Variants in ADAMTS13 observed in about 807,000 individuals in gnomAD.
ADAMTS13 encodes A disintegrin and metalloproteinase with thrombospondin motifs 13.
Under a neutral mutation model 155.1 loss-of-function variants are expected in ADAMTS13, and 110 were observed. The observed-to-expected ratio is 0.71, with a 90% CI of 0.61 to 0.83. ADAMTS13 has a LOEUF of 0.83. Among genes scored for constraint, ADAMTS13 ranks in the 40% least tolerant of loss-of-function variants. The pLI, the probability that ADAMTS13 is intolerant of heterozygous loss-of-function variation, is 0.00. For synonymous variants in ADAMTS13, 758 were observed against 756.4 expected, an observed-to-expected ratio of 1.00 and a Z score of -0.03; for missense variants, 1,707 against 1,891.7, an observed-to-expected ratio of 0.90 and a Z score of 1.81.
chr9:133,423,842 C>T (rs1840105764), intron 2 of ADAMTS13, among the ~76,000 whole-genome samples: 1 of 152,254 alleles, frequency 6.6e-6, no homozygotes, highest in Non-Finnish European at 1.5e-5. Flanking sequence ...TGGGTCCTTC[C>T]AGCGCTGCCG....
intron 23 of ADAMTS13, among the ~76,000 whole-genome samples, chr9:133,453,207 C>T (rs587694391): frequency 1.8e-4 from 27 of 152,256 alleles, no homozygotes; most frequent in Non-Finnish European, 2.8e-4. Flanking sequence ...GAGGCGAAGG[C>T]GGGCAGATCA....
rs781828222 is a variant in ADAMTS13, at chr9:133,430,145, C to G, written c.987+44C>G. Reference sequence around the variant, plus strand: ...GCCTGGGATTGGCTGTGAGGTCCCTCCGCATCACCCAGCTCACGTCCCCCA... The same window carrying G: ...GCCTGGGATTGGCTGTGAGGTCCCTGCGCATCACCCAGCTCACGTCCCCCA... On this transcript the variant is annotated intron_variant, in intron 8 of 28. Transcript: ENST00000355699. 2.6e-6 allele frequency: 4 copies of G among 1,549,088 alleles called. No individual in the cohort carries two copies. The South Asian group carries it at 3.5e-5, about 14-fold the overall frequency.
intron 22 of ADAMTS13, 67 bp from the exon 23 acceptor site, chr9:133,449,716 A>C (rs1203004308): frequency 1.3e-6 from 2 of 1,573,046 alleles, no homozygotes; most frequent in African/African-American, 2.7e-5. Flanking sequence ...AATGAAGGGG[A>C]GACCTGGCTC....
chr9:133,424,088 G>A lies in ADAMTS13; in HGVS notation c.173-233G>A, dbSNP rs1840118357. Among the ~76,000 whole-genome samples the A allele has an allele frequency of 6.6e-6, 1 of 152,232 alleles. No homozygotes were observed. The highest frequency in any genetic ancestry group is 1.5e-5 in the Non-Finnish European group (1 of 68,032). ...TTGGGCAGAGCCACCAGGGCAGTGG[G>A]AATCTTGTCTTGATGGGGTGACCCA... On this transcript the variant is annotated intron_variant, in intron 2 of 28. Transcript: ENST00000355699. This position sits in a 1 kb window ranked among gnomAD's most constrained non-coding sequence, Gnocchi z 4.3.
intron 11 of ADAMTS13, among the ~76,000 whole-genome samples, chr9:133,435,038 A>G (rs1289160293): frequency 6.6e-6 from 1 of 152,188 alleles, no homozygotes; most frequent in Non-Finnish European, 1.5e-5. Flanking sequence ...GCTGATGGAC[A>G]TCTGAGGTGT....
intron 23 of ADAMTS13, 81 bp from the exon 24 acceptor site, chr9:133,454,334 C>T (rs587625624): frequency 8.6e-6 from 13 of 1,515,864 alleles, no homozygotes; most frequent in African/African-American, 4.1e-5. Context: ...TCCGAGTACA[C>T]GTGGGTGGAG....
chr9:133,421,669 G>A (rs77533110), upstream of ADAMTS13, among the ~76,000 whole-genome samples: 1,491 of 152,314 alleles, frequency 9.8e-3, 10 homozygotes, highest in Non-Finnish European at 0.015. Context: ...TAGCAGAGGG[G>A]CAGAAACTAA....
At position 133,456,372 on chromosome 9, in the gene ADAMTS13, A is replaced by G. The variant is rs1554795998; in HGVS notation, c.3547+157A>G. ...TGGGGAGTGATGATCTGCATTTTACAGATGAGGAAACTGAGGCTAGGAGAG... is the reference window on the plus strand; with the variant it reads ...TGGGGAGTGATGATCTGCATTTTACGGATGAGGAAACTGAGGCTAGGAGAG... On this transcript the variant is annotated intron_variant, in intron 26 of 28. Transcript: ENST00000355699. The surrounding 1 kb of genome is among the most constrained non-coding windows in gnomAD (Gnocchi z 4.4). Among the ~76,000 whole-genome samples the G allele has an allele frequency of 6.6e-6, 1 of 152,212 alleles. No homozygotes were observed. The highest frequency in any genetic ancestry group is 2.1e-4 in the South Asian group (1 of 4,834).
chr9:133,438,166 C>A, intron 13 of ADAMTS13, 80 bp from the exon 14 acceptor site: 1 of 1,611,462 alleles, frequency 6.2e-7, no homozygotes, highest in South Asian at 1.1e-5. Context: ...ATCCCAGAAT[C>A]TCAGAGCTGG....
Position 133,425,487 on chromosome 9 carries a change from T to C in ADAMTS13, c.331-42T>C, listed in dbSNP as rs2301611. ...GTCAGCAGCTGCCTGGGGCTGGCAA[T>C]GCCCACCCGACGGGTTACCTCTCTC... On this transcript the variant is annotated intron_variant, in intron 3 of 28. Transcript: ENST00000355699. The surrounding 1 kb of genome is among the most constrained non-coding windows in gnomAD (Gnocchi z 4.6). 0.014 allele frequency: 21,319 copies of C among 1,578,718 alleles called. 1,127 individuals are homozygous for C. In the East Asian group the frequency reaches 0.19, roughly 14 times the overall value.
At chr9:133,458,151 G>T in intron 28 of ADAMTS13, 57 bp downstream of exon 28, 1 of 1,587,182 alleles carries the variant, frequency 6.3e-7, no homozygotes. Flanking sequence ...CCTAGGGCGT[G>T]CAGGGCTAGG....
rs782758834 is a variant in ADAMTS13 at position 133,448,582 on chromosome 9, C to G, written c.2732-17C>G. 1.2e-6 allele frequency: 2 copies of G among 1,608,382 alleles called. No homozygotes were observed. The highest frequency in any genetic ancestry group is 8.5e-7 in the Non-Finnish European group (1 of 1,179,736). ...GCCTGTCCCTTGGGGCTCTGGGTCTCTGCTTTGTCCACGCAGGTCTGATGG... is the reference window on the plus strand; with the variant it reads ...GCCTGTCCCTTGGGGCTCTGGGTCTGTGCTTTGTCCACGCAGGTCTGATGG... On this transcript the variant is annotated splice_polypyrimidine_tract_variant and intron_variant, in intron 21 of 28. Coordinates refer to ENST00000355699, the MANE Select transcript of ADAMTS13 (RefSeq NM_139027.6).
upstream of ADAMTS13, among the ~76,000 whole-genome samples, chr9:133,418,818 G>A (rs926387161): frequency 3.9e-5 from 6 of 152,186 alleles, no homozygotes; most frequent in African/African-American, 9.7e-5. Flanking sequence ...GCGCGGCGCC[G>A]GGCTGTCTGC....
chr9:133,446,338 C>G (rs915996316), intron 21 of ADAMTS13, among the ~76,000 whole-genome samples: 2 of 152,172 alleles, frequency 1.3e-5, no homozygotes, highest in African/African-American at 4.8e-5. Flanking sequence ...ACACGAACTC[C>G]CATTTCCCCC....
chr9:133,456,619 C>T lies in ADAMTS13; in HGVS notation c.3624C>T (p.Ser1208=). 3 of 1,612,586 alleles carry T rather than the reference C, an allele frequency of 1.9e-6. No individual in the cohort carries two copies. Among genetic ancestry groups the T allele is most frequent in the Non-Finnish European group, 2.5e-6 (3 of 1,179,604 alleles). Residue 1208 remains serine (S), a synonymous_variant, in exon 27 of 29, where the codon TCC becomes TCT. Transcript: ENST00000355699. The surrounding 1 kb of genome is among the most constrained non-coding windows in gnomAD (Gnocchi z 4.4). ...CRKLLDMTFS[S]KTNTLVVRQR... ...AGCTGTTGGACATGACTTTCAGCTCCAAGACCAACACGCTGGTGGTGAGGC... is the reference window on the plus strand; with the variant it reads ...AGCTGTTGGACATGACTTTCAGCTCTAAGACCAACACGCTGGTGGTGAGGC...
chr9:133,445,757 G>C lies in ADAMTS13; in HGVS notation c.2669G>C (p.Gly890Ala), dbSNP rs781809081. The C allele has an allele frequency of 1.7e-5, 27 of 1,610,192 alleles. No homozygotes were observed. The highest frequency in any genetic ancestry group is 2.3e-5 in the Non-Finnish European group (27 of 1,177,694). ...APSPWGSIRT[G>A]AQAAHVWTPA... ...TCCCCATGGGGCAGCATCAGGACGGGGGCTCAAGCTGCACACGTGTGGACC... is the reference window on the plus strand; with the variant it reads ...TCCCCATGGGGCAGCATCAGGACGGCGGCTCAAGCTGCACACGTGTGGACC... Residue 890 changes from glycine to alanine, a missense_variant, in exon 21 of 29, where the codon GGG becomes GCG. By Grantham distance (60) the Gly-to-Ala change is moderately conservative. Coordinates refer to ENST00000355699, the MANE Select transcript of ADAMTS13 (RefSeq NM_139027.6). The surrounding 1 kb of genome is among the most constrained non-coding windows in gnomAD (Gnocchi z 5.0).
intron 19 of ADAMTS13, among the ~76,000 whole-genome samples, chr9:133,444,027 C>T (rs1177432935): frequency 2.0e-5 from 3 of 152,258 alleles, no homozygotes; most frequent in African/African-American, 7.2e-5. Context: ...GCGACCTGTC[C>T]GGTGGGAGGG....
chr9:133,457,070 C>G (rs953804237), intron 27 of ADAMTS13: 24 of 407,592 alleles, frequency 5.9e-5, no homozygotes, highest in African/African-American at 4.9e-4. Flanking sequence ...AGCCACTGTC[C>G]CTCAGCCCTG....
chr9:133,421,266 A>C (rs966159986), upstream of ADAMTS13, among the ~76,000 whole-genome samples: 1 of 152,204 alleles, frequency 6.6e-6, no homozygotes, highest in African/African-American at 2.4e-5. Context: ...ACTCTGTCTC[A>C]AAAAACAAAC....
Sources: allele counts gnomAD v4.1 joint callset (sites outside exome capture counted in the v4.1 genomes callset), GRCh38; gene constraint gnomAD v4.1.1; non-coding constraint Gnocchi (gnomAD v3.1); transcripts MANE v1.5; gene names NCBI Gene and HGNC (gene_info 2026-07-23, HGNC 2026-07-21).